Variants in LAP3 observed in about 807,000 individuals in gnomAD.
LAP3 encodes the protein cytosol aminopeptidase.
LAP3 carries 46 observed loss-of-function variants against 58.8 expected under a neutral mutation model. That is an observed-to-expected ratio of 0.78 (90% CI 0.62 to 1.00). LAP3 has a LOEUF of 1.00. Among genes scored for constraint, LAP3 ranks in the 50% least tolerant of loss-of-function variants. The pLI is 0.00. For missense variants in LAP3, 615 were observed against 659.1 expected (o/e 0.93, Z 0.73); for synonymous variants, 257 against 237.7 (o/e 1.08, Z -0.75).
intron 4 of LAP3, 30 bp downstream of exon 4, chr4:17,582,423 CT>C: frequency 1.3e-6 from 2 of 1,541,126 alleles, no homozygotes; most frequent in Non-Finnish European, 1.8e-6. Context: ...TTAAAGAATC[CT>C]GAGGATCCAC....
intron 1 of LAP3, among the ~76,000 whole-genome samples, chr4:17,578,537 A>G (rs1713271711): frequency 1.1e-5 from 1 of 91,582 alleles, no homozygotes; most frequent in Non-Finnish European, 2.5e-5. Flanking sequence ...ATTCTCACTC[A>G]GTCCTACCAC....
Position 17,582,409 on chromosome 4 carries a change from A to C in LAP3, c.379+16A>C, listed in dbSNP as rs1264487999. ...GCTGTTGCAGGTTATTTCACTTTTTAAGTTTAAAGAATCCTGAGGATCCAC... is the reference window on the plus strand; with the variant it reads ...GCTGTTGCAGGTTATTTCACTTTTTCAGTTTAAAGAATCCTGAGGATCCAC... On this transcript the variant is annotated intron_variant, in intron 4 of 12. Coordinates refer to ENST00000226299, the MANE Select transcript of LAP3 (RefSeq NM_015907.3). The C allele has an allele frequency of 6.3e-7, 1 of 1,584,740 alleles. No individual in the cohort carries two copies. The highest frequency in any genetic ancestry group is 1.3e-5 in the African/African-American group (1 of 74,392).
In LAP3 at chr4:17,594,611, G is replaced by T. The variant is rs1327492438; in HGVS notation, c.864-799G>T. Among the ~76,000 whole-genome samples, 47 of 152,154 alleles carry T rather than the reference G, an allele frequency of 3.1e-4. 1 individual carries two copies. The highest frequency in any genetic ancestry group is 3.1e-3 in the Admixed American group (47 of 15,286). ...CACTAGCTAGTTAGAAGCCTCTGGGGGTCAGGTAGTTTGGTTTCTTGCTAA... is the reference window on the plus strand; with the variant it reads ...CACTAGCTAGTTAGAAGCCTCTGGGTGTCAGGTAGTTTGGTTTCTTGCTAA... On this transcript the variant is annotated intron_variant, in intron 7 of 12. Coordinates refer to ENST00000226299, the MANE Select transcript of LAP3 (RefSeq NM_015907.3).
chr4:17,598,814 G>A (rs1270661822), intron 10 of LAP3, among the ~76,000 whole-genome samples: 1 of 152,018 alleles, frequency 6.6e-6, no homozygotes, highest in African/African-American at 2.4e-5. Flanking sequence ...GTGCAGTGGC[G>A]TGATCTTGGC....
At chr4:17,582,019 A>G in intron 3 of LAP3, 3 of 596,688 alleles carry the variant, frequency 5.0e-6, no homozygotes, top group Non-Finnish European at 8.9e-6. Context: ...GGCTTTCTTT[A>G]TCCGGTTGTG....
rs781056837 is a variant in LAP3, at chr4:17,595,441, A to G, written c.895A>G (p.Met299Val). 2 of 1,613,838 alleles carry G rather than the reference A, an allele frequency of 1.2e-6. No homozygotes were observed. Among genetic ancestry groups the G allele is most frequent in the African/African-American group, 1.3e-5 (1 of 74,916 alleles). ...TATCTCCATCAAGGCTTCTGCAAATATGGACCTCATGAGGGCTGACATGGG... is the reference window on the plus strand; with the variant it reads ...TATCTCCATCAAGGCTTCTGCAAATGTGGACCTCATGAGGGCTGACATGGG... ...GGISIKASAN[M>V]DLMRADMGGA... Residue 299 changes from methionine to valine, a missense_variant, in exon 8 of 13, where the codon ATG (methionine) becomes GTG (valine). By Grantham distance (21) the Met-to-Val change is conservative. Coordinates refer to ENST00000226299, the MANE Select transcript of LAP3 (RefSeq NM_015907.3).
chr4:17,602,191 GA>G (rs1713997083), intron 10 of LAP3, among the ~76,000 whole-genome samples: 2 of 152,162 alleles, frequency 1.3e-5, no homozygotes, highest in South Asian at 4.1e-4. Flanking sequence ...GATACTGAAG[GA>G]TAGTAAGGTT....
At chr4:17,591,740 T>C (rs1713692696) in intron 7 of LAP3, among the ~76,000 whole-genome samples, 1 of 152,016 alleles carries the variant, frequency 6.6e-6, no homozygotes, top group African/African-American at 2.4e-5. Context: ...ATGGCAAGAG[T>C]ACCAGTGTGC....
Position 17,581,111 on chromosome 4 carries a change from C to T in LAP3, c.219-649C>T, listed in dbSNP as rs1466708158. ...CATTCCAGAGCATCTGTGCTACGGGCCTCTTATAGTCATGGATCTGTTTTG... is the reference window on the plus strand; with the variant it reads ...CATTCCAGAGCATCTGTGCTACGGGTCTCTTATAGTCATGGATCTGTTTTG... On this transcript the variant is annotated intron_variant, in intron 2 of 12. Coordinates refer to ENST00000226299, the MANE Select transcript of LAP3 (RefSeq NM_015907.3). Among the ~76,000 whole-genome samples, 3 of 152,294 alleles carry T rather than the reference C, an allele frequency of 2.0e-5. No homozygotes were observed. The East Asian group carries it at 5.8e-4, about 29-fold the overall frequency.
At chr4:17,583,225 C>T (rs1211748606) in intron 4 of LAP3, among the ~76,000 whole-genome samples, 2 of 152,202 alleles carry the variant, frequency 1.3e-5, no homozygotes, top group African/African-American at 4.8e-5. Flanking sequence ...TCCTGAGAGC[C>T]TGTACGGCTC....
Position 17,605,693 on chromosome 4 carries a change from A to C in LAP3, c.1260+1026A>C, listed in dbSNP as rs563150756. 3.9e-5 allele frequency among the ~76,000 whole-genome samples: 6 copies of C among 152,202 alleles called. No homozygotes were observed. The South Asian group carries it at 1.2e-3, about 32-fold the overall frequency. On this transcript the variant is annotated intron_variant, in intron 11 of 12. Coordinates refer to ENST00000226299, the MANE Select transcript of LAP3 (RefSeq NM_015907.3). ...TCCCAGTTCTGCAATACTCAGCCCC[A>C]TCATCTTCTTCCAGGCCGGGCCAGG...
chr4:17,603,912 C>T (rs189101031), intron 10 of LAP3, among the ~76,000 whole-genome samples: 3,388 of 149,924 alleles, frequency 0.023, 68 homozygotes, highest in Non-Finnish European at 0.034. Context: ...CTGCAACCTC[C>T]GCCTCCTGGG....
At position 17,582,120 on chromosome 4, in the gene LAP3, G is replaced by C. The variant is rs1713379780; in HGVS notation, c.274-168G>C. ...TTATACAATTTTGCCAGGACACAAAGGTTTTAAGAAAAAAAAGCCACAACC... is the reference window on the plus strand; with the variant it reads ...TTATACAATTTTGCCAGGACACAAACGTTTTAAGAAAAAAAAGCCACAACC... On this transcript the variant is annotated intron_variant, in intron 3 of 12. Transcript: ENST00000226299. 5 of 638,832 alleles carry C rather than the reference G, an allele frequency of 7.8e-6. No homozygotes were observed. The South Asian group carries it at 1.0e-4, about 13-fold the overall frequency. The allele number at this position is 638,832 out of a possible 1,614,324, so 39.6% of individuals were successfully genotyped here.
intron 11 of LAP3, among the ~76,000 whole-genome samples, chr4:17,605,381 ACACATTCCT>A (rs1267410175): frequency 6.6e-6 from 1 of 151,932 alleles, no homozygotes; most frequent in East Asian, 1.9e-4. Context: ...TTCCTACTCT[ACACATTCCT>A]CACATGGAAG....
chr4:17,604,211 G>A (rs954053445), intron 10 of LAP3, among the ~76,000 whole-genome samples: 10 of 146,456 alleles, frequency 6.8e-5, no homozygotes, highest in Non-Finnish European at 1.2e-4. Flanking sequence ...GTTTGAGGCT[G>A]CATACAGTGA....
intron 6 of LAP3, among the ~76,000 whole-genome samples, chr4:17,586,555 T>C (rs928359031): frequency 2.0e-5 from 3 of 152,152 alleles, no homozygotes; most frequent in Non-Finnish European, 4.4e-5. Context: ...CAAAGATGCA[T>C]GAAGTGGTCC....
At chr4:17,578,428 G>A (rs951025653) in intron 1 of LAP3, among the ~76,000 whole-genome samples, 30 of 152,194 alleles carry the variant, frequency 2.0e-4, no homozygotes, top group Non-Finnish European at 3.8e-4. Context: ...CAATGCCAAG[G>A]AAGGCCGTTT....
At chr4:17,580,184 A>ATATATATATATATATATATATGTATT (rs548745392) in intron 2 of LAP3, among the ~76,000 whole-genome samples, 3 of 40,220 alleles carry the variant, frequency 7.5e-5, no homozygotes, top group African/African-American at 3.8e-4. Context: ...ATATATATGT[A>ATATATATATATATATATATATGTATT]TTTTTTTTTT....
rs376071374 is a variant in LAP3 at position 17,577,509 on chromosome 4, G to A, written c.44G>A (p.Arg15Gln). The change falls in exon 1 of 13, where the codon CGA becomes CAA. Residue 15 changes from arginine to glutamine, a missense_variant. Arg to Gln is a conservative substitution (Grantham distance 43). Transcript: ENST00000226299. The part of the protein sequence containing the change: ...PLPAAGRVVV[R>Q]RLAVRRFGSR... ...CCGGCTGCGGGGCGAGTAGTCGTCC[G>A]ACGTCTGGCCGTGAGACGTTTCGGG... 7.6e-5 allele frequency: 120 copies of A among 1,586,550 alleles called. No individual in the cohort carries two copies. Among genetic ancestry groups the A allele is most frequent in the Non-Finnish European group, 9.5e-5 (111 of 1,168,278 alleles).
Sources: gnomAD v4.1 joint callset for allele counts (sites outside exome capture counted in the v4.1 genomes callset) on GRCh38, gnomAD v4.1.1 for gene constraint, MANE v1.5 for transcripts, NCBI Gene and HGNC (gene_info 2026-07-23, HGNC 2026-07-21) for gene names.